Variants in PALLD observed in about 807,000 individuals in gnomAD.
PALLD encodes the protein palladin, cytoskeletal associated protein.
In PALLD, 61 loss-of-function variants were observed where a neutral mutation model predicts 123.5. The observed-to-expected ratio is 0.49, with a 90% CI of 0.40 to 0.61. The LOEUF (loss-of-function observed/expected upper bound fraction) is 0.61, where lower values mean the gene tolerates loss of function less well. Among genes scored for constraint, PALLD ranks in the 20% least tolerant of loss-of-function variants. PALLD has a pLI of 0.00. For missense variants in PALLD, 1,273 were observed against 1,377.0 expected (o/e 0.92, Z 1.20); for synonymous variants, 465 against 496.4 (o/e 0.94, Z 0.84).
intron 2 of PALLD, among the ~76,000 whole-genome samples, chr4:168,582,902 GC>G (rs1186283502): frequency 6.6e-6 from 1 of 152,096 alleles, no homozygotes; most frequent in Non-Finnish European, 1.5e-5. Flanking sequence ...TAAATGAAAG[GC>G]TTTGCACTCT....
At chr4:168,674,737 A>G (rs1780662714) in intron 3 of PALLD, among the ~76,000 whole-genome samples, 1 of 152,240 alleles carries the variant, frequency 6.6e-6, no homozygotes, top group South Asian at 2.1e-4. Context: ...AGTTTGTGAA[A>G]TATGGAAAGA....
chr4:168,901,482 A>T (rs1183767887), intron 14 of PALLD, among the ~76,000 whole-genome samples: 1 of 152,228 alleles, frequency 6.6e-6, no homozygotes, highest in East Asian at 1.9e-4. Flanking sequence ...GATTAAAGAA[A>T]TAACTCAAGA....
intron 5 of PALLD, 90 bp downstream of exon 5, chr4:168,683,193 A>G (rs1781723678): frequency 2.9e-6 from 2 of 685,444 alleles, no homozygotes; most frequent in East Asian, 2.7e-5. Flanking sequence ...TCTAACTAGT[A>G]TACTCCCTTG....
At chr4:168,741,542 C>A (rs769310549) in intron 10 of PALLD, among the ~76,000 whole-genome samples, 1 of 151,874 alleles carries the variant, frequency 6.6e-6, no homozygotes. Context: ...TAAAAGTAGC[C>A]GGCATGGTGG....
chr4:168,603,402 G>T (rs1580529083), intron 2 of PALLD, among the ~76,000 whole-genome samples: 1 of 152,178 alleles, frequency 6.6e-6, no homozygotes, highest in African/African-American at 2.4e-5. Flanking sequence ...CTCCTTAGTA[G>T]ACTTGCAGAA....
At chr4:168,545,997 A>G (rs1407560160) in intron 2 of PALLD, among the ~76,000 whole-genome samples, 5 of 152,168 alleles carry the variant, frequency 3.3e-5, no homozygotes, top group South Asian at 2.1e-4. Flanking sequence ...ATAAAATGCT[A>G]TTTAAATGCA....
At chr4:168,878,167 A>G (rs863224385) in intron 10 of PALLD, 1 of 851,704 alleles carries the variant, frequency 1.2e-6, no homozygotes. Flanking sequence ...CGCCCCCGCC[A>G]CCCCCGGTCT....
At chr4:168,629,875 C>T (rs560817943) in intron 2 of PALLD, among the ~76,000 whole-genome samples, 2 of 152,326 alleles carry the variant, frequency 1.3e-5, no homozygotes, top group African/African-American at 4.8e-5. Flanking sequence ...ATCTACCCTT[C>T]AGTTTCATCC....
intron 10 of PALLD, among the ~76,000 whole-genome samples, chr4:168,722,105 T>C (rs1384040429): frequency 6.6e-6 from 1 of 152,168 alleles, no homozygotes; most frequent in Non-Finnish European, 1.5e-5. Context: ...AGTGCAGTGG[T>C]CTGTCACAGC....
intron 10 of PALLD, among the ~76,000 whole-genome samples, chr4:168,798,680 G>GTA (rs1554084692): frequency 6.6e-6 from 1 of 152,128 alleles, no homozygotes; most frequent in Non-Finnish European, 1.5e-5. Flanking sequence ...AAGTGGAACC[G>GTA]TATTGTAAAC....
chr4:168,861,901 C>G (rs995544488), intron 10 of PALLD, among the ~76,000 whole-genome samples: 1 of 152,038 alleles, frequency 6.6e-6, no homozygotes, highest in African/African-American at 2.4e-5. Flanking sequence ...AGTGATCCTC[C>G]CCCTTCGGCC....
intron 10 of PALLD, among the ~76,000 whole-genome samples, chr4:168,762,226 C>CA (rs1733045330): frequency 6.6e-6 from 1 of 152,130 alleles, no homozygotes; most frequent in Non-Finnish European, 1.5e-5. Flanking sequence ...GTAATCTCAG[C>CA]ACTTTGGGAG....
chr4:168,693,989 A>G (rs1275582949), intron 8 of PALLD, among the ~76,000 whole-genome samples: 2 of 152,266 alleles, frequency 1.3e-5, no homozygotes, highest in Non-Finnish European at 2.9e-5. Context: ...TTGTGCTTAA[A>G]CAATGTTTTG....
At chr4:168,807,794 C>T (rs1470055622) in intron 10 of PALLD, among the ~76,000 whole-genome samples, 1 of 152,152 alleles carries the variant, frequency 6.6e-6, no homozygotes, top group Non-Finnish European at 1.5e-5. Flanking sequence ...CAACTTCTGC[C>T]TGGCAGGTTC....
At position 168,511,489 on chromosome 4, in the gene PALLD, T is replaced by C; in HGVS notation, c.-16T>C. On this transcript the variant is annotated 5_prime_UTR_variant, in exon 2 of 22. An upstream start codon of the reference 5' UTR is lost. Coordinates refer to ENST00000505667, the MANE Select transcript of PALLD (RefSeq NM_001166108.2). The stretch of plus-strand genomic sequence containing the variant: ...CTACTGAAAGCAGACACAGAGTGCA[T>C]GAAGACCGTTCAAATATGTCAGGGA... The C allele has an allele frequency of 6.2e-7, 1 of 1,605,368 alleles. No individual in the cohort carries two copies. The highest frequency in any genetic ancestry group is 8.5e-7 in the Non-Finnish European group (1 of 1,172,382).
intron 2 of PALLD, among the ~76,000 whole-genome samples, chr4:168,558,038 T>G (rs754815127): frequency 3.9e-5 from 6 of 152,206 alleles, no homozygotes; most frequent in Non-Finnish European, 7.3e-5. Flanking sequence ...ACAGAGCCTA[T>G]GCAGAGCCCT....
At chr4:168,574,732 C>A (rs1406875025) in intron 2 of PALLD, among the ~76,000 whole-genome samples, 1 of 151,982 alleles carries the variant, frequency 6.6e-6, no homozygotes, top group Non-Finnish European at 1.5e-5. Context: ...AACTCTTTTG[C>A]CCTGAATGAG....
intron 6 of PALLD, among the ~76,000 whole-genome samples, chr4:168,689,432 CT>C (rs70961551): frequency 3.3e-3 from 164 of 49,816 alleles, no homozygotes; most frequent in Non-Finnish European, 3.5e-3. Flanking sequence ...ATCCAATATT[CT>C]TTTTTTTTTT....
rs573530088 is a variant in PALLD at position 168,869,753 on chromosome 4, G to A, written c.1965-21169G>A. 1.3e-5 allele frequency among the ~76,000 whole-genome samples: 2 copies of A among 152,208 alleles called. No individual in the cohort carries two copies. The highest frequency in any genetic ancestry group is 1.9e-4 in the East Asian group (1 of 5,186). On this transcript the variant is annotated intron_variant, in intron 10 of 21. Transcript: ENST00000505667. The surrounding 1 kb of genome is among the most constrained non-coding windows in gnomAD (Gnocchi z 4.5). Reference sequence around the variant, plus strand: ...CTAGACATAAGTTTGAAGTGAAGTAGCACATTTATGTTACATGGAAGTGGA... The same window carrying A: ...CTAGACATAAGTTTGAAGTGAAGTAACACATTTATGTTACATGGAAGTGGA...
Sources: gnomAD v4.1 joint callset for allele counts (sites outside exome capture counted in the v4.1 genomes callset) on GRCh38, gnomAD v4.1.1 for gene constraint, Gnocchi (gnomAD v3.1) non-coding constraint, MANE v1.5 for transcripts, NCBI Gene and HGNC (gene_info 2026-07-23, HGNC 2026-07-21) for gene names.